Variants in ADGRL3 observed in about 807,000 individuals in gnomAD.
The protein encoded by ADGRL3 is adhesion G protein-coupled receptor L3.
A neutral mutation model predicts 153.5 loss-of-function variants in ADGRL3; 62 were observed. The observed-to-expected ratio is 0.40, with a 90% CI of 0.33 to 0.50. The LOEUF is 0.50. ADGRL3 is among the 20% of genes least tolerant of loss of function. ADGRL3 has a pLI of 0.47. For missense variants in ADGRL3, 1,641 were observed against 1,859.4 expected (o/e 0.88, Z 2.16); for synonymous variants, 710 against 672.5 (o/e 1.06, Z -0.86).
intron 1 of ADGRL3, among the ~76,000 whole-genome samples, chr4:61,221,652 A>G (rs957415915): frequency 1.4e-4 from 22 of 152,158 alleles, no homozygotes; most frequent in African/African-American, 5.3e-4. Flanking sequence ...ATTAGAATTA[A>G]TACTTTTACA....
intron 8 of ADGRL3, among the ~76,000 whole-genome samples, chr4:61,771,917 A>G (rs2097091876): frequency 6.6e-6 from 1 of 152,218 alleles, no homozygotes; most frequent in African/African-American, 2.4e-5. Context: ...CAAGCTAGTC[A>G]TGCCAGTAGG....
intron 9 of ADGRL3, among the ~76,000 whole-genome samples, chr4:61,824,747 A>G (rs948465135): frequency 1.3e-5 from 2 of 152,200 alleles, no homozygotes; most frequent in Admixed American, 6.5e-5. Context: ...ATATGCACAC[A>G]CACACATGCC....
At chr4:61,978,968 T>G (rs537112036) in intron 17 of ADGRL3, among the ~76,000 whole-genome samples, 2 of 152,326 alleles carry the variant, frequency 1.3e-5, no homozygotes, top group Admixed American at 6.5e-5. Flanking sequence ...CTTTTAGATC[T>G]TCCCCAAAAT....
At position 61,752,354 on chromosome 4, in the gene ADGRL3, CTATTATATTGCCTAT is replaced by C. The variant is rs552989049; in HGVS notation, c.1399+18815_1399+18829del. On this transcript the variant is annotated intron_variant, in intron 8 of 26. Coordinates refer to ENST00000683033, the MANE Select transcript of ADGRL3 (RefSeq NM_001387552.1). ...ATTGCCTATTACTAGCCTGGAAAGC[CTATTATATTGCCTAT>C]TATTATATTGCCTAATAAGCATATT... Among the ~76,000 whole-genome samples the C allele has an allele frequency of 8.5e-4, 129 of 152,164 alleles. 1 individual carries two copies. In the South Asian group the frequency reaches 0.026, roughly 31 times the overall value.
At chr4:61,434,432 A>G (rs1413315621) in intron 2 of ADGRL3, among the ~76,000 whole-genome samples, 4 of 152,122 alleles carry the variant, frequency 2.6e-5, no homozygotes, top group African/African-American at 4.8e-5. Flanking sequence ...TATGTTATGT[A>G]TACATATATC....
chr4:61,278,599 G>C (rs540158798), intron 1 of ADGRL3, among the ~76,000 whole-genome samples: 1 of 152,178 alleles, frequency 6.6e-6, no homozygotes, highest in Non-Finnish European at 1.5e-5. Flanking sequence ...CACCTCCCGG[G>C]TTCAAGTGAT....
At chr4:61,594,844 G>T (rs2098982693) in intron 5 of ADGRL3, among the ~76,000 whole-genome samples, 1 of 152,244 alleles carries the variant, frequency 6.6e-6, no homozygotes, top group South Asian at 2.1e-4. Flanking sequence ...CAATTTGCCT[G>T]ATGTTCTATT....
At chr4:62,065,044 G>A (rs1427739495) in intron 25 of ADGRL3, among the ~76,000 whole-genome samples, 3 of 152,052 alleles carry the variant, frequency 2.0e-5, no homozygotes, top group African/African-American at 7.2e-5. Flanking sequence ...TTGTGCTTAA[G>A]TATTTCCTAT....
intron 1 of ADGRL3, among the ~76,000 whole-genome samples, chr4:61,300,398 T>G (rs2094541708): frequency 6.6e-6 from 1 of 152,182 alleles, no homozygotes; most frequent in Non-Finnish European, 1.5e-5. Context: ...GAATAAATCA[T>G]ACTGGAAAAT....
At chr4:61,973,958 T>C (rs1197381496) in intron 17 of ADGRL3, among the ~76,000 whole-genome samples, 2 of 152,154 alleles carry the variant, frequency 1.3e-5, no homozygotes, top group Non-Finnish European at 2.9e-5. Context: ...CTTCGGATGC[T>C]TTGGACATTT....
At chr4:61,279,284 T>A (rs1205972055) in intron 1 of ADGRL3, among the ~76,000 whole-genome samples, 1 of 152,180 alleles carries the variant, frequency 6.6e-6, no homozygotes, top group East Asian at 1.9e-4. Context: ...CATTGACATT[T>A]CTGAGTAGTA....
intron 8 of ADGRL3, among the ~76,000 whole-genome samples, chr4:61,794,275 C>T (rs1420935934): frequency 6.6e-6 from 1 of 152,122 alleles, no homozygotes; most frequent in African/African-American, 2.4e-5. Flanking sequence ...TTATTGTCAC[C>T]TGTGCATTAG....
At chr4:61,824,129 T>C (rs903135192) in intron 9 of ADGRL3, among the ~76,000 whole-genome samples, 5 of 152,194 alleles carry the variant, frequency 3.3e-5, no homozygotes, top group Non-Finnish European at 7.3e-5. Flanking sequence ...ATCCATAGTA[T>C]AGTATTTTTA....
intron 2 of ADGRL3, among the ~76,000 whole-genome samples, chr4:61,477,368 TACACACAC>T (rs5858703): frequency 6.7e-6 from 1 of 150,194 alleles, no homozygotes; most frequent in Admixed American, 6.7e-5. Context: ...ATAGTGATGT[TACACACAC>T]ACACACACAC....
At chr4:61,707,885 T>A (rs549225355) in intron 6 of ADGRL3, among the ~76,000 whole-genome samples, 16 of 152,276 alleles carry the variant, frequency 1.1e-4, no homozygotes, top group African/African-American at 3.8e-4. Context: ...AGAGACATTG[T>A]GGAGGGCTCA....
intron 3 of ADGRL3, among the ~76,000 whole-genome samples, chr4:61,503,817 T>C (rs997571826): frequency 6.6e-6 from 1 of 152,220 alleles, no homozygotes; most frequent in Admixed American, 6.5e-5. Context: ...GCATACAGTC[T>C]ATAATGATCA....
intron 9 of ADGRL3, among the ~76,000 whole-genome samples, chr4:61,890,157 A>G (rs2098564611): frequency 6.6e-6 from 1 of 152,218 alleles, no homozygotes; most frequent in Non-Finnish European, 1.5e-5. Context: ...AAGAAATAGC[A>G]ATGCTTTGTT....
At chr4:61,924,399 C>A (rs2098785128) in intron 13 of ADGRL3, among the ~76,000 whole-genome samples, 1 of 152,136 alleles carries the variant, frequency 6.6e-6, no homozygotes, top group Non-Finnish European at 1.5e-5. Flanking sequence ...GATTTAAATA[C>A]CACCTATATG....
intron 1 of ADGRL3, among the ~76,000 whole-genome samples, chr4:61,216,142 G>A (rs1353771680): frequency 6.6e-6 from 1 of 152,052 alleles, no homozygotes; most frequent in African/African-American, 2.4e-5. Flanking sequence ...AAGAGCTAAG[G>A]CTCAGTATTG....
Sources: gnomAD v4.1 joint callset for allele counts (sites outside exome capture counted in the v4.1 genomes callset) on GRCh38, gnomAD v4.1.1 for gene constraint, MANE v1.5 for transcripts, NCBI Gene and HGNC (gene_info 2026-07-23, HGNC 2026-07-21) for gene names.